The following MAP3K13 variants were observed in gnomAD, a reference collection of about 807,000 sequenced individuals.
The protein encoded by MAP3K13 is leucine zipper-bearing kinase.
A neutral mutation model predicts 104.0 loss-of-function variants in MAP3K13; 52 were observed. That is an observed-to-expected ratio of 0.50 (90% CI 0.40 to 0.63). MAP3K13 has a LOEUF of 0.63. MAP3K13 is among the 20% of genes least tolerant of loss of function. MAP3K13 has a pLI of 0.00. For synonymous variants in MAP3K13, 394 were observed against 442.2 expected (o/e 0.89, Z 1.37); for missense variants, 914 against 1,218.5 (o/e 0.75, Z 3.72).
At position 185,473,090 on chromosome 3, in the gene MAP3K13, A is replaced by C. The variant is rs1366197735; in HGVS notation, c.1759A>C (p.Lys587Gln). The C allele has an allele frequency of 1.2e-6, 2 of 1,614,032 alleles. No homozygotes were observed. Among genetic ancestry groups the C allele is most frequent in the Admixed American group, 3.3e-5 (2 of 59,994 alleles). Residue 587 changes from lysine to glutamine, a missense_variant, in exon 11 of 14, where the codon AAA becomes CAA. Lys to Gln is a moderately conservative substitution (Grantham distance 53, BLOSUM62 1). Coordinates refer to ENST00000265026, the MANE Select transcript of MAP3K13 (RefSeq NM_004721.5). This position sits in a 1 kb window ranked among gnomAD's most constrained non-coding sequence, Gnocchi z 4.9. The stretch of plus-strand genomic sequence containing the variant: ...TAGCAGCAAGAGCCGATATCGAAGC[A>C]AACCACGCCACCGCCGAGGGAATAG... ...TSSSKSRYRS[K>Q]PRHRRGNSRG...
At chr3:185,369,815 C>A (rs899264200) in intron 1 of MAP3K13, among the ~76,000 whole-genome samples, 1 of 152,164 alleles carries the variant, frequency 6.6e-6, no homozygotes, top group African/African-American at 2.4e-5. Context: ...CATTTACCTG[C>A]CTTCTTTATC....
chr3:185,466,996 A>G, intron 10 of MAP3K13, 33 bp downstream of exon 10: 2 of 1,613,176 alleles, frequency 1.2e-6, no homozygotes, highest in Non-Finnish European at 1.7e-6. Flanking sequence ...GTATTCAGAT[A>G]AATAGGGAAA....
intron 2 of MAP3K13, among the ~76,000 whole-genome samples, chr3:185,429,511 G>A (rs905598768): frequency 3.9e-5 from 6 of 152,158 alleles, no homozygotes; most frequent in African/African-American, 1.4e-4. Context: ...TCAGCACTTT[G>A]GGAAGCTGAG....
At chr3:185,371,734 A>T (rs1724172571) in intron 1 of MAP3K13, among the ~76,000 whole-genome samples, 1 of 152,208 alleles carries the variant, frequency 6.6e-6, no homozygotes, top group African/African-American at 2.4e-5. Flanking sequence ...CAGCCAGGAC[A>T]GCCGTTTCCA....
At chr3:185,455,229 A>C (rs1420917135) in intron 7 of MAP3K13, among the ~76,000 whole-genome samples, 1 of 61,102 alleles carries the variant, frequency 1.6e-5, no homozygotes, top group African/African-American at 4.6e-5. Context: ...TATATGATAT[A>C]TATGAGATAT....
At chr3:185,286,209 A>G (rs561475993) in intron 2 of MAP3K13, among the ~76,000 whole-genome samples, 1 of 151,896 alleles carries the variant, frequency 6.6e-6, no homozygotes, top group Non-Finnish European at 1.5e-5. Context: ...TTCTGTCTCA[A>G]GGGGGCAAAA....
At chr3:185,392,354 G>A (rs1457286382) in intron 1 of MAP3K13, among the ~76,000 whole-genome samples, 1 of 152,210 alleles carries the variant, frequency 6.6e-6, no homozygotes, top group Non-Finnish European at 1.5e-5. Context: ...GGCTCCACAG[G>A]AGGACATAAG....
chr3:185,359,965 A>G (rs1723537416), upstream of MAP3K13, among the ~76,000 whole-genome samples: 1 of 151,966 alleles, frequency 6.6e-6, no homozygotes, highest in East Asian at 1.9e-4. Context: ...CCAAAACAAG[A>G]ATAGCTTATA....
intron 2 of MAP3K13, among the ~76,000 whole-genome samples, chr3:185,324,555 C>G (rs1182667586): frequency 6.6e-6 from 1 of 152,090 alleles, no homozygotes; most frequent in African/African-American, 2.4e-5. Flanking sequence ...AACAACCACC[C>G]CTGCTATGAC....
intron 4 of MAP3K13, among the ~76,000 whole-genome samples, chr3:185,445,662 C>T (rs1377378455): frequency 6.6e-6 from 1 of 152,148 alleles, no homozygotes; most frequent in Non-Finnish European, 1.5e-5. Context: ...ACCCCAGCAG[C>T]GTTGGCTTCT....
intron 1 of MAP3K13, among the ~76,000 whole-genome samples, chr3:185,412,286 C>A (rs991068116): frequency 6.6e-6 from 1 of 151,876 alleles, no homozygotes; most frequent in Non-Finnish European, 1.5e-5. Context: ...ATTTTTCTTT[C>A]CATTAGAACT....
At chr3:185,314,296 G>A (rs1465958335) in intron 2 of MAP3K13, among the ~76,000 whole-genome samples, 1 of 152,174 alleles carries the variant, frequency 6.6e-6, no homozygotes, top group Non-Finnish European at 1.5e-5. Context: ...GGCTAAATGA[G>A]AATTTATTTG....
At chr3:185,440,349 C>A (rs1197631716) in intron 3 of MAP3K13, among the ~76,000 whole-genome samples, 3 of 152,236 alleles carry the variant, frequency 2.0e-5, no homozygotes, top group African/African-American at 7.2e-5. Flanking sequence ...TAGACCGTTT[C>A]TATGTGGAAC....
chr3:185,469,809 T>C (rs1044479614), intron 10 of MAP3K13, among the ~76,000 whole-genome samples: 14 of 152,336 alleles, frequency 9.2e-5, no homozygotes, highest in African/African-American at 3.4e-4. Flanking sequence ...GGGTGATTTG[T>C]ATGTGCCTTC....
chr3:185,285,573 A>G, exon 2 of MAP3K13: 2 of 1,524,694 alleles, frequency 1.3e-6, no homozygotes, highest in Non-Finnish European at 1.8e-6. Context: ...AAAGAAACCC[A>G]CGGACCATTA....
At chr3:185,474,679 C>G (rs1348068322) in intron 11 of MAP3K13, among the ~76,000 whole-genome samples, 2 of 152,182 alleles carry the variant, frequency 1.3e-5, no homozygotes, top group African/African-American at 2.4e-5. Flanking sequence ...CCAGATAGTT[C>G]TTAATCATTG....
intron 13 of MAP3K13, among the ~76,000 whole-genome samples, chr3:185,481,626 G>T (rs1193248818): frequency 6.6e-6 from 1 of 152,164 alleles, no homozygotes; most frequent in African/African-American, 2.4e-5. Flanking sequence ...TAGCATAGTG[G>T]TTCTAAGTGT....
In MAP3K13 at chr3:185,428,928, T is replaced by C; in HGVS notation, c.347T>C (p.Ile116Thr). 1 of 1,614,032 alleles carries C rather than the reference T, an allele frequency of 6.2e-7. No individual in the cohort carries two copies. Among genetic ancestry groups the C allele is most frequent in the Non-Finnish European group, 8.5e-7 (1 of 1,179,982 alleles). ...GAGAGCACAAGCGGAACTGAAGACA[T>C]AAAGATTCAGTTCAGCAGGTCAGGC... ...DGESTSGTED[I>T]KIQFSRSGSG... Residue 116 changes from isoleucine (I) to threonine (T), a missense_variant, in exon 2 of 14, where the codon ATA becomes ACA. Transcript: ENST00000265026.
intron 7 of MAP3K13, among the ~76,000 whole-genome samples, chr3:185,451,786 G>C (rs1205054471): frequency 2.0e-5 from 3 of 150,016 alleles, no homozygotes; most frequent in Admixed American, 1.3e-4. Context: ...AGAATCACTT[G>C]AACCCGGGAA....
Sources: allele counts gnomAD v4.1 joint callset (sites outside exome capture counted in the v4.1 genomes callset), GRCh38; gene constraint gnomAD v4.1.1; non-coding constraint Gnocchi (gnomAD v3.1); transcripts MANE v1.5; gene names NCBI Gene and HGNC (gene_info 2026-07-23, HGNC 2026-07-21).